The following KIF24 variants were observed in gnomAD, a reference collection of about 807,000 sequenced individuals.
The protein encoded by KIF24 is kinesin-like protein KIF24.
A neutral mutation model predicts 118.9 loss-of-function variants in KIF24; 81 were observed. The ratio of observed to expected loss-of-function variants is 0.68; its 90% CI spans 0.57 to 0.82. KIF24 has a LOEUF of 0.82. Ranked by LOEUF, KIF24 falls within the 40% of genes least tolerant of loss-of-function variation. The probability of loss-of-function intolerance (pLI) is 0.00; values close to 1 mark genes in which losing one functional copy is unlikely to be tolerated. For synonymous variants in KIF24, 599 were observed against 610.0 expected (o/e 0.98, Z 0.27); for missense variants, 1,560 against 1,661.6 (o/e 0.94, Z 1.06).
chr9:34,267,793 G>T (rs941778759), intron 8 of KIF24, among the ~76,000 whole-genome samples: 4 of 152,152 alleles, frequency 2.6e-5, no homozygotes, highest in African/African-American at 4.8e-5. Flanking sequence ...GCCACATGTG[G>T]CTGGTGGCTG....
intron 5 of KIF24, among the ~76,000 whole-genome samples, chr9:34,289,079 C>G (rs774493847): frequency 3.9e-5 from 6 of 152,114 alleles, no homozygotes; most frequent in African/African-American, 7.2e-5. Context: ...GAGTAGCACC[C>G]TCTTTTATTT....
At chr9:34,279,739 T>C (rs1032671964) in intron 6 of KIF24, among the ~76,000 whole-genome samples, 1 of 152,236 alleles carries the variant, frequency 6.6e-6, no homozygotes, top group African/African-American at 2.4e-5. Context: ...TGAGCGAGTA[T>C]GAACAGTGAC....
At chr9:34,280,462 C>T (rs1587933448) in intron 6 of KIF24, among the ~76,000 whole-genome samples, 2 of 152,070 alleles carry the variant, frequency 1.3e-5, no homozygotes, top group East Asian at 3.8e-4. Context: ...ACAAAGGAAT[C>T]CTGAGGACCA....
At position 34,257,993 on chromosome 9, in the gene KIF24, C is replaced by G; in HGVS notation, c.1626-12G>C. 6.5e-7 allele frequency: 1 copy of G among 1,545,500 alleles called. No homozygotes were observed. The highest frequency in any genetic ancestry group is 8.8e-7 in the Non-Finnish European group (1 of 1,141,940). On this transcript the variant is annotated splice_polypyrimidine_tract_variant and intron_variant, in intron 10 of 12. Transcript: ENST00000402558. ...TTAGTTCTTTGACCCTGTAAATAAT[C>G]ATTTTATGTTAAATGTGTATTTTCA...
intron 6 of KIF24, among the ~76,000 whole-genome samples, chr9:34,279,835 G>T (rs1835781474): frequency 6.6e-6 from 1 of 152,174 alleles, no homozygotes; most frequent in Non-Finnish European, 1.5e-5. Flanking sequence ...AACTGTGTCA[G>T]GTATCCATAA....
intron 6 of KIF24, among the ~76,000 whole-genome samples, chr9:34,279,074 T>C (rs1835755164): frequency 6.6e-6 from 1 of 152,122 alleles, no homozygotes; most frequent in Non-Finnish European, 1.5e-5. Context: ...ACTGCACTCC[T>C]GCCTAGGTGA....
At position 34,256,250 on chromosome 9, in the gene KIF24, A is replaced by T. The variant is rs1451354375; in HGVS notation, c.3357T>A (p.Pro1119=). The change falls in exon 11 of 13, where the codon CCT becomes CCA. Residue 1119 remains proline, a synonymous_variant. Transcript: ENST00000402558. The part of the protein sequence containing the change: ...TRHLWLSSSP[P]DNKPGGDLPA... ...GAAGATCACCACCAGGCTTATTATC[A>T]GGGGGAGATGAGGACAGCCACAGGT... 1.2e-6 allele frequency: 2 copies of T among 1,605,342 alleles called. No individual in the cohort carries two copies. The highest frequency in any genetic ancestry group is 2.7e-5 in the African/African-American group (2 of 74,772).
intron 1 of KIF24, among the ~76,000 whole-genome samples, chr9:34,323,586 C>T (rs567585405): frequency 6.6e-6 from 1 of 152,312 alleles, no homozygotes; most frequent in South Asian, 2.1e-4. Context: ...GATTTTGCCA[C>T]ACTGCAGTCA....
chr9:34,311,905 C>T (rs1332845009), intron 1 of KIF24, among the ~76,000 whole-genome samples: 1 of 152,012 alleles, frequency 6.6e-6, no homozygotes, highest in Non-Finnish European at 1.5e-5. Context: ...CATGCCACAA[C>T]TATTGAAACC....
At chr9:34,268,317 C>A (rs1355588789) in intron 8 of KIF24, among the ~76,000 whole-genome samples, 1 of 151,774 alleles carries the variant, frequency 6.6e-6, no homozygotes, top group East Asian at 1.9e-4. Context: ...CAGCCTGCCA[C>A]CATGCCCAAC....
intron 1 of KIF24, chr9:34,319,098 T>A: frequency 7.4e-7 from 1 of 1,356,908 alleles, no homozygotes. Context: ...TTCTATACCG[T>A]GGGTGTCATG....
chr9:34,285,930 TAAAAAAA>T (rs11283995), intron 6 of KIF24, among the ~76,000 whole-genome samples: 1 of 120,882 alleles, frequency 8.3e-6, no homozygotes, highest in African/African-American at 3.1e-5. Context: ...CCCTGTTGCT[TAAAAAAA>T]AAAAAAAAAA....
At chr9:34,320,252 G>C (rs1837469906) in intron 1 of KIF24, among the ~76,000 whole-genome samples, 1 of 151,468 alleles carries the variant, frequency 6.6e-6, no homozygotes, top group African/African-American at 2.4e-5. Context: ...AGATGGGGAG[G>C]GAAGGGGGAA....
intron 3 of KIF24, among the ~76,000 whole-genome samples, chr9:34,305,616 C>A (rs1170611170): frequency 1.3e-5 from 2 of 152,040 alleles, no homozygotes; most frequent in African/African-American, 4.8e-5. Context: ...TTTTTATATT[C>A]TTTTAGAGGC....
At chr9:34,266,997 A>G (rs1487765908) in intron 8 of KIF24, among the ~76,000 whole-genome samples, 3 of 152,228 alleles carry the variant, frequency 2.0e-5, no homozygotes, top group Non-Finnish European at 4.4e-5. Context: ...TTTAGGTAAC[A>G]TGAACTCCAA....
intron 6 of KIF24, among the ~76,000 whole-genome samples, chr9:34,282,113 A>T (rs1277023874): frequency 6.6e-6 from 1 of 152,208 alleles, no homozygotes; most frequent in South Asian, 2.1e-4. Context: ...ATTCATAATG[A>T]CCAAAAGTGG....
chr9:34,253,459 A>G lies in KIF24; in HGVS notation c.*921T>C, dbSNP rs954672735. ...TTTCAGAGGCCTCAGACTGTTGAAC[A>G]GAGCACTCTGTTCAACTGCCAAGGT... On this transcript the variant is annotated 3_prime_UTR_variant, in exon 13 of 13. Transcript: ENST00000402558. 3.3e-5 allele frequency: 5 copies of G among 152,282 alleles called. No homozygotes were observed. Among genetic ancestry groups the G allele is most frequent in the African/African-American group, 1.2e-4 (5 of 41,464 alleles). The allele number at this position is 152,282 out of a possible 1,614,324, so 9.4% of individuals were successfully genotyped here. A position where few individuals can be genotyped will look rare whatever the true frequency, so the allele number is the denominator to read the frequency against.
At chr9:34,260,420 A>C (rs1835010951) in intron 9 of KIF24, among the ~76,000 whole-genome samples, 1 of 152,224 alleles carries the variant, frequency 6.6e-6, no homozygotes, top group Non-Finnish European at 1.5e-5. Flanking sequence ...ACTTAGGAAC[A>C]CAGAAAGATA....
At chr9:34,312,156 T>G (rs1837192061) in intron 1 of KIF24, among the ~76,000 whole-genome samples, 1 of 152,208 alleles carries the variant, frequency 6.6e-6, no homozygotes, top group Non-Finnish European at 1.5e-5. Flanking sequence ...ACATCATCAA[T>G]TCAGCATCAG....
Sources: allele counts gnomAD v4.1 joint callset (sites outside exome capture counted in the v4.1 genomes callset), GRCh38; gene constraint gnomAD v4.1.1; transcripts MANE v1.5; gene names NCBI Gene and HGNC (gene_info 2026-07-23, HGNC 2026-07-21).